ODF2: variants seen among roughly 807,000 people sequenced by gnomAD.
ODF2 encodes outer dense fiber protein 2.
A neutral mutation model predicts 110.2 loss-of-function variants in ODF2; 47 were observed. That is an observed-to-expected ratio of 0.43 (90% CI 0.34 to 0.54). The LOEUF (loss-of-function observed/expected upper bound fraction) is 0.54. Ranked by LOEUF, ODF2 falls within the 20% of genes least tolerant of loss-of-function variation. ODF2 has a pLI of 0.03. For missense variants in ODF2, 812 were observed against 1,054.5 expected, an observed-to-expected ratio of 0.77 and a Z score of 3.19; for synonymous variants, 352 against 397.7, an observed-to-expected ratio of 0.89 and a Z score of 1.37.
At chr9:128,478,982 G>A (rs1161791305) in intron 8 of ODF2, among the ~76,000 whole-genome samples, 1 of 152,154 alleles carries the variant, frequency 6.6e-6, no homozygotes, top group Non-Finnish European at 1.5e-5. Context: ...AGAGTAGGGG[G>A]CTTTGGTGAG....
intron 5 of ODF2, among the ~76,000 whole-genome samples, chr9:128,469,834 A>T (rs546204267): frequency 1.1e-3 from 169 of 149,514 alleles, no homozygotes; most frequent in African/African-American, 3.1e-3. Flanking sequence ...AAAAACAAAA[A>T]TTAGCCATGC....
At chr9:128,481,695 A>G (rs189719583) in intron 9 of ODF2, 44 bp downstream of exon 9, 3 of 1,511,026 alleles carry the variant, frequency 2.0e-6, no homozygotes, top group Admixed American at 3.5e-5. Flanking sequence ...TACAGGTGGC[A>G]AGAGCGTCGT....
At chr9:128,486,176 C>G (rs141619543) in intron 13 of ODF2, among the ~76,000 whole-genome samples, 1 of 152,260 alleles carries the variant, frequency 6.6e-6, no homozygotes, top group Non-Finnish European at 1.5e-5. Context: ...GGCATGGACT[C>G]CCTGGACTAA....
At chr9:128,461,776 A>C (rs1465468399) in intron 4 of ODF2, among the ~76,000 whole-genome samples, 1 of 152,198 alleles carries the variant, frequency 6.6e-6, no homozygotes, top group Non-Finnish European at 1.5e-5. Context: ...GAAAAGAAAA[A>C]AAAATAGAAA....
At chr9:128,470,137 A>G (rs1271140648) in intron 5 of ODF2, among the ~76,000 whole-genome samples, 1 of 145,986 alleles carries the variant, frequency 6.8e-6, no homozygotes, top group Non-Finnish European at 1.5e-5. Flanking sequence ...GGATGTGACA[A>G]TGGAATTGGA....
exon 9 of ODF2, chr9:128,481,583 T>A (rs1842409304): frequency 6.2e-7 from 1 of 1,613,300 alleles, no homozygotes; most frequent in Non-Finnish European, 8.5e-7. Context: ...TTTGAAGGAT[T>A]CTGAAAGACT....
Position 128,498,677 on chromosome 9 carries a change from C to T in ODF2, c.2175+102C>T, listed in dbSNP as rs41309944. 6.4e-3 allele frequency: 4,403 copies of T among 689,250 alleles called. 21 individuals are homozygous for T. The highest frequency in any genetic ancestry group is 6.5e-3 in the Non-Finnish European group (2,628 of 403,144). 42.7% of individuals were successfully genotyped at this position (689,250 alleles called of 1,614,324 possible). A position where few individuals can be genotyped will look rare whatever the true frequency, so the allele number is the denominator to read the frequency against. ...TGAAAAATGGGCACACAGTAGTACC[C>T]GCTTCATGAATTAGTTGTAAGGATC... On this transcript the variant is annotated intron_variant, in intron 19 of 20. Coordinates refer to ENST00000604420, the Ensembl canonical transcript of ODF2.
chr9:128,474,222 C>T (rs541055266), intron 8 of ODF2, among the ~76,000 whole-genome samples: 5 of 152,020 alleles, frequency 3.3e-5, no homozygotes, highest in South Asian at 2.1e-4. Context: ...AGGCTGAGCG[C>T]GGTGGATCAT....
chr9:128,492,513 A>G, exon 15 of ODF2: 1 of 1,613,432 alleles, frequency 6.2e-7, no homozygotes, highest in Non-Finnish European at 8.5e-7. Flanking sequence ...CTATGAGGGG[A>G]TGATTGACAA....
intron 19 of ODF2, 57 bp from the exon 20 acceptor site, chr9:128,498,944 C>T: frequency 5.6e-6 from 9 of 1,606,624 alleles, no homozygotes; most frequent in Non-Finnish European, 7.7e-6. Context: ...CTTCTCTTTG[C>T]CAAGTGTTCC....
intron 9 of ODF2, among the ~76,000 whole-genome samples, chr9:128,482,335 A>T (rs1842560427): frequency 6.6e-6 from 1 of 152,258 alleles, no homozygotes; most frequent in South Asian, 2.1e-4. Flanking sequence ...GTGCATTCCC[A>T]GCTCAAGAAC....
chr9:128,484,897 C>T lies in ODF2; in HGVS notation c.1290+11C>T, dbSNP rs4075146. On this transcript the variant is annotated intron_variant, in intron 12 of 20. Transcript: ENST00000604420. ...CAACTCGCTGACAAGGTCGCAGGCC[C>T]GCGGTGCCCAGCTCCTCACCTGCCC... 377,539 of 1,607,928 alleles carry T rather than the reference C, an allele frequency of 0.23. 49,262 individuals are homozygous for T. The highest frequency in any genetic ancestry group is 0.48 in the East Asian group (21,264 of 44,700).
chr9:128,470,946 T>C (rs1479174220), intron 5 of ODF2, among the ~76,000 whole-genome samples: 1 of 151,848 alleles, frequency 6.6e-6, no homozygotes, highest in Non-Finnish European at 1.5e-5. Flanking sequence ...AGTCTCACTC[T>C]TGTCCGCCCA....
chr9:128,487,762 A>G (rs1280606633), intron 13 of ODF2, 128 bp from the exon 14 acceptor site: 25 of 1,095,950 alleles, frequency 2.3e-5, no homozygotes, highest in African/African-American at 6.3e-5. Flanking sequence ...ACTCCAGCCT[A>G]GGTGACAGAG....
At chr9:128,455,459 CAGG>C (rs1214329246), upstream of ODF2, 4 of 276,070 alleles carry the variant, frequency 1.4e-5, no homozygotes, top group Non-Finnish European at 2.7e-5. Context: ...GAGGCTCAGG[CAGG>C]AGAATGGCGT....
At position 128,484,063 on chromosome 9, in the gene ODF2, T is replaced by A; in HGVS notation, c.1104+9T>A. On this transcript the variant is annotated intron_variant, in intron 11 of 20. Transcript: ENST00000604420. ...TGTGCATGCAGATTAAGGTACCTAT[T>A]GGCCCCACAAGTGGGGAAAGAGGAG... 1.3e-6 allele frequency: 2 copies of A among 1,595,748 alleles called. No homozygotes were observed. Among genetic ancestry groups the A allele is most frequent in the Non-Finnish European group, 1.7e-6 (2 of 1,168,724 alleles).
Position 128,459,734 on chromosome 9 carries a change from G to A in ODF2, c.123+77G>A, listed in dbSNP as rs1051697381. 30 of 1,095,488 alleles carry A rather than the reference G, an allele frequency of 2.7e-5. No individual in the cohort carries two copies. In the Admixed American group the frequency reaches 5.3e-4, roughly 20 times the overall value. The allele number at this position is 1,095,488 out of a possible 1,614,324, so 67.9% of individuals were successfully genotyped here. On this transcript the variant is annotated intron_variant, in intron 3 of 20. Coordinates refer to ENST00000604420, the Ensembl canonical transcript of ODF2. ...CTTTTGCACACCGTTTCTAGGAGGT[G>A]CCTTACCCTGCTGGGCACCATCGCC...
intron 8 of ODF2, among the ~76,000 whole-genome samples, chr9:128,478,171 T>A (rs772849434): frequency 5.9e-5 from 9 of 152,132 alleles, no homozygotes; most frequent in Non-Finnish European, 8.8e-5. Context: ...TAATTTTTTG[T>A]ATTTTTAGTA....
Position 128,477,125 on chromosome 9 carries a change from G to A in ODF2, c.843+3384G>A, listed in dbSNP as rs959983528. On this transcript the variant is annotated intron_variant, in intron 8 of 20. Coordinates refer to ENST00000604420, the Ensembl canonical transcript of ODF2. ...TGGGTACCCGTAATATCAACTACTC[G>A]GGAGGCTGAGGCAGGAGAATTGCTT... Among the ~76,000 whole-genome samples, 6 of 151,490 alleles carry A rather than the reference G, an allele frequency of 4.0e-5. No homozygotes were observed. In the East Asian group the frequency reaches 9.9e-4, roughly 25 times the overall value.
Sources: gnomAD v4.1 joint callset for allele counts (sites outside exome capture counted in the v4.1 genomes callset) on GRCh38, gnomAD v4.1.1 for gene constraint, MANE v1.5 for transcripts, NCBI Gene and HGNC (gene_info 2026-07-23, HGNC 2026-07-21) for gene names.